The following KIF13B variants were observed in gnomAD, a reference collection of about 807,000 sequenced individuals.
The protein encoded by KIF13B is kinesin-like protein KIF13B.
A neutral mutation model predicts 222.0 loss-of-function variants in KIF13B; 127 were observed. The ratio of observed to expected loss-of-function variants is 0.57; its 90% CI spans 0.50 to 0.66. KIF13B has a LOEUF of 0.66. KIF13B is among the 30% of genes least tolerant of loss of function. KIF13B has a pLI of 0.00. For synonymous variants in KIF13B, 976 were observed against 919.0 expected (o/e 1.06, Z -1.12); for missense variants, 2,173 against 2,379.0 (o/e 0.91, Z 1.80).
At chr8:29,172,826 G>A (rs1332012493) in intron 10 of KIF13B, among the ~76,000 whole-genome samples, 4 of 152,108 alleles carry the variant, frequency 2.6e-5, no homozygotes, top group African/African-American at 4.8e-5. Context: ...AGGTGCTCCT[G>A]GCCTCCAGGC....
chr8:29,181,936 C>A lies in KIF13B; in HGVS notation c.568G>T (p.Ala190Ser). ...GTTGTTACCTTGTAGCTTGTGACAG[C>A]CAGTTTAGAAAGTCCGTCGACATAA... is the stretch of plus-strand genomic sequence containing the variant. ...GPYVDGLSKL[A>S]VTSYKDIESL... The change falls in exon 7 of 40, where the codon GCT (alanine) becomes TCT (serine). Residue 190 changes from alanine (A) to serine (S), a missense_variant. Coordinates refer to ENST00000524189, the MANE Select transcript of KIF13B (RefSeq NM_015254.4). 1 of 1,613,140 alleles carries A rather than the reference C, an allele frequency of 6.2e-7. No individual in the cohort carries two copies. The highest frequency in any genetic ancestry group is 8.5e-7 in the Non-Finnish European group (1 of 1,179,318).
intron 2 of KIF13B, among the ~76,000 whole-genome samples, chr8:29,242,075 G>A (rs2130637221): frequency 6.6e-6 from 1 of 152,244 alleles, no homozygotes; most frequent in East Asian, 1.9e-4. Context: ...TCCCTTTTAA[G>A]GCAATGTTTT....
intron 2 of KIF13B, among the ~76,000 whole-genome samples, chr8:29,239,558 A>G (rs768777136): frequency 6.6e-6 from 1 of 152,212 alleles, no homozygotes; most frequent in Non-Finnish European, 1.5e-5. Flanking sequence ...GGAGGAGGCA[A>G]GAGCTGAAGA....
At chr8:29,137,366 A>G (rs768368029) in intron 21 of KIF13B, among the ~76,000 whole-genome samples, 17 of 152,262 alleles carry the variant, frequency 1.1e-4, no homozygotes, top group Admixed American at 3.3e-4. Flanking sequence ...CACAAAAACT[A>G]TAACCACCAC....
intron 21 of KIF13B, among the ~76,000 whole-genome samples, chr8:29,136,504 C>T (rs113394450): frequency 3.3e-5 from 5 of 151,922 alleles, no homozygotes; most frequent in Non-Finnish European, 5.9e-5. Context: ...CACTTGAATC[C>T]GGGAGGAGGT....
chr8:29,102,594 T>G (rs1221804856), intron 35 of KIF13B, among the ~76,000 whole-genome samples: 1 of 152,244 alleles, frequency 6.6e-6, no homozygotes, highest in Non-Finnish European at 1.5e-5. Flanking sequence ...CCTGCTCCTC[T>G]GCCAGATACG....
intron 26 of KIF13B, 137 bp from the exon 27 acceptor site, chr8:29,124,260 A>C: frequency 1.8e-6 from 1 of 569,638 alleles, no homozygotes; most frequent in Non-Finnish European, 3.1e-6. Context: ...TGCTACCACC[A>C]GTTGACTGCG....
chr8:29,130,209 ATAT>A (rs1002757014), intron 24 of KIF13B, among the ~76,000 whole-genome samples: 1 of 152,210 alleles, frequency 6.6e-6, no homozygotes, highest in Non-Finnish European at 1.5e-5. Flanking sequence ...GGTTTTTAAA[ATAT>A]TATAAATATC....
chr8:29,208,675 C>T (rs1195129052), intron 2 of KIF13B, among the ~76,000 whole-genome samples: 2 of 152,224 alleles, frequency 1.3e-5, no homozygotes, highest in African/African-American at 2.4e-5. Context: ...ACAACCAGAG[C>T]TCTAATTCAC....
At chr8:29,217,486 T>G (rs1347201244) in intron 2 of KIF13B, among the ~76,000 whole-genome samples, 2 of 152,196 alleles carry the variant, frequency 1.3e-5, no homozygotes, top group Non-Finnish European at 2.9e-5. Context: ...TTTCATGGGA[T>G]TGCTATGAAG....
chr8:29,112,462 G>A (rs1227851674), intron 32 of KIF13B, among the ~76,000 whole-genome samples: 5 of 148,740 alleles, frequency 3.4e-5, no homozygotes, highest in African/African-American at 9.9e-5. Flanking sequence ...GCTGATTTCT[G>A]TATTAAAATA....
rs369280304 is a variant in KIF13B at position 29,223,331 on chromosome 8, CA to C, written c.149+22014del. Among the ~76,000 whole-genome samples, 76 of 103,670 alleles carry C rather than the reference CA, an allele frequency of 7.3e-4. No homozygotes were observed. The East Asian group carries it at 0.016, about 22-fold the overall frequency. 68.0% of individuals were successfully genotyped at this position (103,670 alleles called of 152,430 possible). A position where few individuals can be genotyped will look rare whatever the true frequency, so the allele number is the denominator to read the frequency against. The stretch of plus-strand genomic sequence containing the variant: ...AGCCTGAGTGAGAGAGACCCTGTCT[CA>C]AAAAAAAAAAAAACAAAAAAATCTA... On this transcript the variant is annotated intron_variant, in intron 2 of 39. Transcript: ENST00000524189.
chr8:29,201,490 T>C (rs1195348999), intron 2 of KIF13B, among the ~76,000 whole-genome samples: 2 of 152,200 alleles, frequency 1.3e-5, no homozygotes, highest in South Asian at 2.1e-4. Flanking sequence ...ACAAAAAAAA[T>C]TGATATTGGG....
intron 2 of KIF13B, among the ~76,000 whole-genome samples, chr8:29,236,375 A>G (rs1195426490): frequency 6.6e-6 from 1 of 152,152 alleles, no homozygotes; most frequent in Non-Finnish European, 1.5e-5. Flanking sequence ...CCACAAATTA[A>G]TGGTTTTCAG....
chr8:29,108,171 G>A lies in KIF13B; in HGVS notation c.4183C>T (p.Leu1395Phe), dbSNP rs765849334. The change falls in exon 35 of 40, where the codon CTC (leucine) becomes TTC (phenylalanine). Residue 1395 changes from leucine to phenylalanine, a missense_variant. Around this residue, in one of 2 missense-constraint regions of KIF13B, gnomAD observed 693 missense variants for 656.2 expected, o/e 1.06. Coordinates refer to ENST00000524189, the MANE Select transcript of KIF13B (RefSeq NM_015254.4). ...CTGCCTAGACTGTATGATGGAATGA[G>A]ATCTTGTCGGCTTCCAGACAACTGA... ...VNRLSGSRQD[L>F]IPSYSLGSNK... 4.3e-6 allele frequency: 7 copies of A among 1,612,476 alleles called. No individual in the cohort carries two copies. The South Asian group carries it at 7.7e-5, about 18-fold the overall frequency.
At chr8:29,132,263 A>C in intron 23 of KIF13B, 45 bp downstream of exon 23, 1 of 1,349,688 alleles carries the variant, frequency 7.4e-7, no homozygotes, top group Non-Finnish European at 9.7e-7. Context: ...ACAAAAAAAA[A>C]ATTACATATA....
intron 1 of KIF13B, among the ~76,000 whole-genome samples, chr8:29,258,607 G>C (rs1269791484): frequency 1.3e-5 from 2 of 152,080 alleles, no homozygotes; most frequent in African/African-American, 2.4e-5. Context: ...CATCTCTGCT[G>C]CCTAAACCTG....
intron 2 of KIF13B, among the ~76,000 whole-genome samples, chr8:29,221,314 G>T (rs1343019201): frequency 6.6e-6 from 1 of 151,626 alleles, no homozygotes; most frequent in Non-Finnish European, 1.5e-5. Context: ...TGTTGGGCAG[G>T]CTGGTCTCGA....
At chr8:29,104,718 C>T (rs983398034) in intron 35 of KIF13B, among the ~76,000 whole-genome samples, 1 of 152,004 alleles carries the variant, frequency 6.6e-6, no homozygotes, top group Non-Finnish European at 1.5e-5. Flanking sequence ...GGGTTCTGCC[C>T]ACAGACTCCC....
Sources: gnomAD v4.1 joint callset for allele counts (sites outside exome capture counted in the v4.1 genomes callset) on GRCh38, gnomAD v4.1.1 for gene constraint, gnomAD v4.1.1 regional missense constraint, MANE v1.5 for transcripts, NCBI Gene and HGNC (gene_info 2026-07-23, HGNC 2026-07-21) for gene names.